The following RFPL2 variants were observed in gnomAD, a reference collection of about 807,000 sequenced individuals.
RFPL2 encodes the protein ret finger protein-like 2.
RFPL2 carries 13 observed loss-of-function variants against 17.8 expected under a neutral mutation model. That is an observed-to-expected ratio of 0.73 (90% CI 0.47 to 1.16). The LOEUF (loss-of-function observed/expected upper bound fraction) is 1.16, where lower values mean the gene tolerates loss of function less well. Ranked by LOEUF, RFPL2 falls within the 50% of genes most tolerant of loss-of-function variation. The pLI, the probability that RFPL2 is intolerant of heterozygous loss-of-function variation, is 0.00. For missense variants in RFPL2, 431 were observed against 479.3 expected (o/e 0.90, Z 0.94); for synonymous variants, 189 against 180.9 (o/e 1.04, Z -0.36).
chr22:32,190,538 AGG>A lies in RFPL2; in HGVS notation c.*232_*233del. The A allele has an allele frequency of 2.5e-6, 1 of 399,884 alleles. No homozygotes were observed. The highest frequency in any genetic ancestry group is 3.7e-5 in the East Asian group (1 of 26,944). 24.8% of individuals were successfully genotyped at this position (399,884 alleles called of 1,614,324 possible). On this transcript the variant is annotated 3_prime_UTR_variant, in exon 5 of 5. Transcript: ENST00000652607. ...CATTTGGAAATTGATCCCAGAATAC[AGG>A]ACATTTCTATAGGAAACAAGATGTG...
chr22:32,202,129 A>G (rs551890572), intron 2 of RFPL2, among the ~76,000 whole-genome samples: 1 of 151,948 alleles, frequency 6.6e-6, no homozygotes, highest in South Asian at 2.1e-4. Flanking sequence ...TCTAACTACA[A>G]AGCCAGAGCT....
At position 32,203,926 on chromosome 22, in the gene RFPL2, G is replaced by A. The variant is rs575811333; in HGVS notation, c.-100+781C>T. ...TCCTTACACGCCCCCCACTACATGCGGTGTAGCCAACGATGGCGCCCCCAT... is the reference window on the plus strand; with the variant it reads ...TCCTTACACGCCCCCCACTACATGCAGTGTAGCCAACGATGGCGCCCCCAT... On this transcript the variant is annotated intron_variant, in intron 1 of 4. Transcript: ENST00000652607. Among the ~76,000 whole-genome samples the A allele has an allele frequency of 3.4e-5, 5 of 145,900 alleles. No individual in the cohort carries two copies. The East Asian group carries it at 8.2e-4, about 24-fold the overall frequency.
intron 2 of RFPL2, chr22:32,200,223 G>T: frequency 3.0e-6 from 1 of 336,054 alleles, no homozygotes; most frequent in Non-Finnish European, 5.9e-6. Flanking sequence ...GGCCCCTGAA[G>T]AATGTTCTTA....
chr22:32,204,050 C>T lies in RFPL2; in HGVS notation c.-100+657G>A, dbSNP rs1416261459. Among the ~76,000 whole-genome samples, 4 of 151,274 alleles carry T rather than the reference C, an allele frequency of 2.6e-5. No individual in the cohort carries two copies. The East Asian group carries it at 6.0e-4, about 23-fold the overall frequency. On this transcript the variant is annotated intron_variant, in intron 1 of 4. Coordinates refer to ENST00000652607, the MANE Select transcript of RFPL2 (RefSeq NM_001394555.1). ...GAGTCAACCACCGCCGGCAGTCCAA[C>T]CCCAAATAGCGCACCCAATCCACTC...
At chr22:32,193,566 A>G in intron 3 of RFPL2, 1 of 1,167,432 alleles carries the variant, frequency 8.6e-7, no homozygotes, top group Non-Finnish European at 1.1e-6. Flanking sequence ...GAACATAAGA[A>G]TTAGGGGCTG....
In RFPL2 at chr22:32,204,787, G is replaced by A. The variant is rs1603216033; in HGVS notation, c.-180C>T. ...CCCTCCCCCCACAGACCGAGGTTAT[G>A]CAAGTAAGGTTTCTGGACTACATGT... On this transcript the variant is annotated 5_prime_UTR_variant, in exon 1 of 5. Transcript: ENST00000652607. Among the ~76,000 whole-genome samples the A allele has an allele frequency of 6.6e-6, 1 of 152,228 alleles. No homozygotes were observed. The highest frequency in any genetic ancestry group is 1.5e-5 in the Non-Finnish European group (1 of 68,048).
In RFPL2 at chr22:32,191,056, C is replaced by T. The variant is rs562830791; in HGVS notation, c.853G>A (p.Gly285Ser). ...GFWTVSLRDG[G>S]RLSATTVPLT... ...GGCACCGTGGTGGCAGAGAGGCGGC[C>T]TCCATCCCTCAAACTCACAGTCCAG... The change falls in exon 5 of 5, where the codon GGC becomes AGC. Residue 285 changes from glycine (G) to serine (S), a missense_variant. Coordinates refer to ENST00000652607, the MANE Select transcript of RFPL2 (RefSeq NM_001394555.1). 6.8e-5 allele frequency: 109 copies of T among 1,613,946 alleles called. 1 individual carries two copies. The South Asian group carries it at 7.8e-4, about 12-fold the overall frequency.
chr22:32,197,142 T>G (rs136487), intron 2 of RFPL2, among the ~76,000 whole-genome samples: 1 of 152,010 alleles, frequency 6.6e-6, no homozygotes, highest in Non-Finnish European at 1.5e-5. Context: ...CTCAGGAAGA[T>G]TTGGTCATTG....
chr22:32,191,463 C>T (rs1380743590), intron 4 of RFPL2, 111 bp from the exon 5 acceptor site: 3 of 1,374,846 alleles, frequency 2.2e-6, no homozygotes, highest in Non-Finnish European at 2.0e-6. Context: ...TAATTCTCTT[C>T]TTCCCCCAAA....
chr22:32,197,199 C>T (rs557281304), intron 2 of RFPL2, among the ~76,000 whole-genome samples: 8 of 152,230 alleles, frequency 5.3e-5, no homozygotes, highest in African/African-American at 1.9e-4. Flanking sequence ...GGCTCTGCAG[C>T]AGAAATCTTA....
intron 3 of RFPL2, among the ~76,000 whole-genome samples, chr22:32,193,762 C>A (rs1430245187): frequency 1.3e-5 from 2 of 149,526 alleles, no homozygotes; most frequent in Non-Finnish European, 2.9e-5. Context: ...ACTTGGGAGG[C>A]TGAGGCAGGA....
intron 1 of RFPL2, among the ~76,000 whole-genome samples, 77 bp downstream of exon 1, chr22:32,204,627 GCCA>G (rs557440734): frequency 6.6e-6 from 1 of 152,294 alleles, no homozygotes; most frequent in Admixed American, 6.5e-5. Context: ...CTCCCTCACC[GCCA>G]CCAACGGCAG....
At chr22:32,191,460 C>T (rs1922646287) in intron 4 of RFPL2, 108 bp from the exon 5 acceptor site, 3 of 1,378,570 alleles carry the variant, frequency 2.2e-6, no homozygotes, top group Non-Finnish European at 2.9e-6. Flanking sequence ...CTTTAATTCT[C>T]TTCTTCCCCC....
chr22:32,200,433 C>T (rs1923795993), intron 2 of RFPL2, among the ~76,000 whole-genome samples: 1 of 152,152 alleles, frequency 6.6e-6, no homozygotes, highest in African/African-American at 2.4e-5. Context: ...CCTGGGTTCT[C>T]AGTGTGTGTA....
chr22:32,195,265 AAATATG>A (rs528275629), intron 2 of RFPL2, among the ~76,000 whole-genome samples: 23 of 152,300 alleles, frequency 1.5e-4, no homozygotes, highest in African/African-American at 5.1e-4. Flanking sequence ...GGTCAGCTTT[AAATATG>A]ATTCCTCATG....
intron 3 of RFPL2, among the ~76,000 whole-genome samples, chr22:32,193,786 C>T (rs1251340944): frequency 6.8e-6 from 1 of 146,596 alleles, no homozygotes; most frequent in East Asian, 2.0e-4. Context: ...TCACTTGAAC[C>T]TGGGAGGCAG....
In RFPL2 at chr22:32,202,346, T is replaced by A. The variant is rs776160062; in HGVS notation, c.106A>T (p.Ile36Leu). 1.2e-6 allele frequency: 2 copies of A among 1,600,978 alleles called. No individual in the cohort carries two copies. The highest frequency in any genetic ancestry group is 1.7e-6 in the Non-Finnish European group (2 of 1,173,796). The part of the protein sequence containing the change: ...GHWDFADMMV[I>L]RSLSLIRLEG... ...ATTGTCTCTCACCTCAGGCTCCTTA[T>A]CACCATCATGTCTGCAAAGTCCCAG... is the stretch of plus-strand genomic sequence containing the variant. Residue 36 changes from isoleucine to leucine, a missense_variant, in exon 2 of 5, where the codon ATA becomes TTA. Transcript: ENST00000652607.
intron 2 of RFPL2, among the ~76,000 whole-genome samples, chr22:32,195,815 T>C (rs1923269436): frequency 6.6e-6 from 1 of 152,094 alleles, no homozygotes; most frequent in Admixed American, 6.6e-5. Flanking sequence ...TTTCTGAAAA[T>C]ATGCAATCAT....
At chr22:32,196,856 G>A (rs1230609550) in intron 2 of RFPL2, among the ~76,000 whole-genome samples, 5 of 152,164 alleles carry the variant, frequency 3.3e-5, no homozygotes, top group South Asian at 2.1e-4. Flanking sequence ...GGAGGGACAC[G>A]GAGCCACAGT....
Sources: gnomAD v4.1 joint callset for allele counts (sites outside exome capture counted in the v4.1 genomes callset) on GRCh38, gnomAD v4.1.1 for gene constraint, MANE v1.5 for transcripts, NCBI Gene and HGNC (gene_info 2026-07-23, HGNC 2026-07-21) for gene names.